Variants in METTL25 observed in about 807,000 individuals in gnomAD.
METTL25 encodes probable methyltransferase-like protein 25.
In METTL25, 64 loss-of-function variants were observed where a neutral mutation model predicts 71.6. The ratio of observed to expected loss-of-function variants is 0.89; its 90% CI spans 0.73 to 1.10. METTL25 has a LOEUF of 1.10. Among genes scored for constraint, METTL25 ranks in the 50% least tolerant of loss-of-function variants. The pLI, the probability that METTL25 is intolerant of heterozygous loss-of-function variation, is 0.00. For synonymous variants in METTL25, 287 were observed against 250.3 expected (o/e 1.15, Z -1.38); for missense variants, 807 against 707.0 (o/e 1.14, Z -1.60).
chr12:82,386,699 T>A, intron 1 of METTL25, 104 bp from the exon 2 acceptor site: 1 of 884,372 alleles, frequency 1.1e-6, no homozygotes, highest in South Asian at 1.8e-5. Context: ...AATGAAAATA[T>A]TGGCATTTGT....
At chr12:82,395,430 A>G (rs920490947) in intron 3 of METTL25, among the ~76,000 whole-genome samples, 1 of 152,000 alleles carries the variant, frequency 6.6e-6, no homozygotes, top group African/African-American at 2.4e-5. Context: ...CAGGCTCAGG[A>G]TGGAGTTGGT....
intron 1 of METTL25, among the ~76,000 whole-genome samples, chr12:82,381,801 A>C (rs1158400225): frequency 1.3e-5 from 2 of 152,254 alleles, no homozygotes; most frequent in Non-Finnish European, 2.9e-5. Flanking sequence ...AATAAAAGTA[A>C]ATTTCCATTT....
intron 3 of METTL25, among the ~76,000 whole-genome samples, chr12:82,398,088 A>C (rs1161796830): frequency 1.3e-5 from 2 of 152,016 alleles, no homozygotes; most frequent in East Asian, 3.8e-4. Flanking sequence ...CCACCATTTC[A>C]TGAACATAGT....
chr12:82,429,993 G>A (rs1297105723), intron 5 of METTL25, among the ~76,000 whole-genome samples: 1 of 151,218 alleles, frequency 6.6e-6, no homozygotes, highest in African/African-American at 2.4e-5. Flanking sequence ...ATCCCTCATG[G>A]TACAGAAGTT....
chr12:82,437,600 G>C (rs1300843786), intron 7 of METTL25, among the ~76,000 whole-genome samples: 2 of 151,640 alleles, frequency 1.3e-5, no homozygotes, highest in East Asian at 3.9e-4. Context: ...AATTTATTTT[G>C]CTATAAACTC....
intron 2 of METTL25, among the ~76,000 whole-genome samples, chr12:82,388,623 ATGTT>A (rs1885273368): frequency 6.6e-6 from 1 of 152,046 alleles, no homozygotes; most frequent in Non-Finnish European, 1.5e-5. Context: ...GTGAGTAAAG[ATGTT>A]ATATCCTAGG....
At chr12:82,438,075 A>G (rs888368189) in intron 7 of METTL25, among the ~76,000 whole-genome samples, 5 of 151,646 alleles carry the variant, frequency 3.3e-5, no homozygotes, top group Admixed American at 6.6e-5. Context: ...CTCTTCAGCT[A>G]TTGCTTCTTT....
intron 5 of METTL25, among the ~76,000 whole-genome samples, chr12:82,403,720 A>G (rs993798800): frequency 1.3e-5 from 2 of 152,196 alleles, no homozygotes; most frequent in Non-Finnish European, 2.9e-5. Flanking sequence ...GAAGCACCCC[A>G]CATATTCATT....
At position 82,358,650 on chromosome 12, in the gene METTL25, G is replaced by A. The variant is rs775510618; in HGVS notation, c.85G>A (p.Asp29Asn). Reference sequence around the variant, plus strand: ...GCAGGGACTGCTGCAGTTCCTGAGGGATGCCCTGTCCATTTCCAATGCACA... The same window carrying A: ...GCAGGGACTGCTGCAGTTCCTGAGGAATGCCCTGTCCATTTCCAATGCACA... The part of the protein sequence containing the change: ...KLQGLLQFLR[D>N]ALSISNAHTV... Residue 29 changes from aspartate to asparagine, a missense_variant, in exon 1 of 12, where the codon GAT becomes AAT. By Grantham distance (23) the Asp-to-Asn change is conservative. Coordinates refer to ENST00000248306, the MANE Select transcript of METTL25 (RefSeq NM_032230.3). 1.1e-5 allele frequency: 17 copies of A among 1,614,036 alleles called. No individual in the cohort carries two copies. Among genetic ancestry groups the A allele is most frequent in the African/African-American group, 1.3e-5 (1 of 74,932 alleles).
chr12:82,358,543 TACA>T lies in METTL25; in HGVS notation c.-22_-20del. On this transcript the variant is annotated 5_prime_UTR_variant, in exon 1 of 12. Transcript: ENST00000248306. The stretch of plus-strand genomic sequence containing the variant: ...GCCTCACGGCCATGTTTGCGCCACC[TACA>T]GCCTCGGAGGGTGAGCGTCATGGCG... 2.4e-5 allele frequency: 39 copies of T among 1,605,284 alleles called. No homozygotes were observed. Among genetic ancestry groups the T allele is most frequent in the Non-Finnish European group, 2.9e-5 (34 of 1,177,474 alleles).
intron 1 of METTL25, among the ~76,000 whole-genome samples, chr12:82,372,122 T>C (rs10778899): frequency 1 from 151,716 of 152,318 alleles, 75,561 homozygotes; most frequent in East Asian, 1. Context: ...AATAGCATGA[T>C]GTCTCTCCAA....
intron 9 of METTL25, among the ~76,000 whole-genome samples, chr12:82,473,398 C>G (rs1212313735): frequency 6.6e-6 from 1 of 152,114 alleles, no homozygotes; most frequent in Non-Finnish European, 1.5e-5. Flanking sequence ...GGCCAGGCCT[C>G]TCCAGGGGAG....
intron 3 of METTL25, among the ~76,000 whole-genome samples, chr12:82,395,601 A>G (rs150937370): frequency 1.2e-3 from 183 of 152,170 alleles, no homozygotes; most frequent in African/African-American, 4.3e-3. Flanking sequence ...TGTCAGCAAA[A>G]TGTATCTTTA....
intron 5 of METTL25, among the ~76,000 whole-genome samples, chr12:82,416,402 G>A (rs1383046295): frequency 6.7e-6 from 1 of 150,090 alleles, no homozygotes; most frequent in African/African-American, 2.4e-5. Context: ...ATCCTGAAGA[G>A]TAGGTCTGAT....
chr12:82,423,624 A>C (rs1888717615), intron 5 of METTL25, among the ~76,000 whole-genome samples: 1 of 152,204 alleles, frequency 6.6e-6, no homozygotes. Context: ...AATGGGAGAA[A>C]ATTTTTGCAA....
chr12:82,466,481 A>G (rs575097665), intron 9 of METTL25, among the ~76,000 whole-genome samples: 8 of 151,856 alleles, frequency 5.3e-5, no homozygotes, highest in Admixed American at 4.6e-4. Context: ...TTGATTTTTT[A>G]AAATTTTTGA....
intron 1 of METTL25, among the ~76,000 whole-genome samples, chr12:82,382,724 CT>C (rs1197150916): frequency 2.0e-5 from 3 of 151,406 alleles, no homozygotes; most frequent in East Asian, 1.9e-4. Context: ...TTTCTTAAAA[CT>C]TTTTTTTTGA....
intron 7 of METTL25, 67 bp from the exon 8 acceptor site, chr12:82,438,651 T>G: frequency 5.1e-6 from 5 of 987,174 alleles, no homozygotes; most frequent in Non-Finnish European, 7.0e-6. Context: ...GGTTCCAACA[T>G]TCTGGTATTT....
At chr12:82,365,475 T>C (rs1882457984) in intron 1 of METTL25, among the ~76,000 whole-genome samples, 1 of 152,240 alleles carries the variant, frequency 6.6e-6, no homozygotes, top group South Asian at 2.1e-4. Flanking sequence ...AGCTTCTAAA[T>C]ATTTTGCTGA....
Sources: gnomAD v4.1 joint callset for allele counts (sites outside exome capture counted in the v4.1 genomes callset) on GRCh38, gnomAD v4.1.1 for gene constraint, MANE v1.5 for transcripts, NCBI Gene and HGNC (gene_info 2026-07-23, HGNC 2026-07-21) for gene names.